The following CTRC variants were observed in gnomAD, a reference collection of about 807,000 sequenced individuals.
The protein encoded by CTRC is chymotrypsin-C.
CTRC carries 32 observed loss-of-function variants against 35.7 expected under a neutral mutation model. The observed-to-expected ratio is 0.90, with a 90% CI of 0.68 to 1.20. The LOEUF is 1.20. Among genes scored for constraint, CTRC ranks in the 50% most tolerant of loss-of-function variants. The pLI is 0.00. For synonymous variants in CTRC, 119 were observed against 149.5 expected (o/e 0.80, Z 1.49); for missense variants, 324 against 361.5 (o/e 0.90, Z 0.84).
rs1038169919 is a variant in CTRC, at chr1:15,447,399, G to A, written c.*810G>A. 2 of 153,370 alleles carry A rather than the reference G, an allele frequency of 1.3e-5. No individual in the cohort carries two copies. The highest frequency in any genetic ancestry group is 4.8e-5 in the African/African-American group (2 of 41,480). 9.5% of individuals were successfully genotyped at this position (153,370 alleles called of 1,614,324 possible). ...GCATTAGACAAGTGGGGAAACTGAG[G>A]CCCAGAGAGAGGAAGGAGTTGGGAT... On this transcript the variant is annotated 3_prime_UTR_variant, in exon 8 of 8. Transcript: ENST00000375949.
chr1:15,439,507 C>T (rs1045233462), intron 1 of CTRC, among the ~76,000 whole-genome samples: 1 of 152,032 alleles, frequency 6.6e-6, no homozygotes, highest in Non-Finnish European at 1.5e-5. Flanking sequence ...ATCGAGGTTC[C>T]GTGCGACTTA....
At chr1:15,444,572 C>G (rs990770787) in intron 5 of CTRC, 34 bp from the exon 6 acceptor site, 1 of 1,613,638 alleles carries the variant, frequency 6.2e-7, no homozygotes, top group Non-Finnish European at 8.5e-7. Flanking sequence ...GGCTTCCCGG[C>G]TGCCTCCCTG....
chr1:15,440,666 C>A, intron 3 of CTRC, 76 bp downstream of exon 3: 1 of 1,287,018 alleles, frequency 7.8e-7, no homozygotes, highest in Non-Finnish European at 1.1e-6. Context: ...TTCTGAGCAG[C>A]TTCTCCGCAC....
Position 15,444,711 on chromosome 1 carries a change from T to C in CTRC, c.599T>C (p.Met200Thr), listed in dbSNP as rs1004695259. 13 of 1,614,072 alleles carry C rather than the reference T, an allele frequency of 8.1e-6. No homozygotes were observed. The Admixed American group carries it at 8.3e-5, about 10-fold the overall frequency. The change falls in exon 6 of 8, where the codon ATG (methionine) becomes ACG (threonine). Residue 200 changes from methionine (M) to threonine (T), a missense_variant. By Grantham distance (81) the Met-to-Thr change is moderately conservative. Transcript: ENST00000375949. ...TGGGGCTTCAGGGTGAAGAAAACCATGGTGTGCGCTGGGGGCGATGGCGTC... is the reference window on the plus strand; with the variant it reads ...TGGGGCTTCAGGGTGAAGAAAACCACGGTGTGCGCTGGGGGCGATGGCGTC... ...DWWGFRVKKT[M>T]VCAGGDGVIS... is the part of the protein sequence containing the mutation.
chr1:15,444,318 G>A (rs1333591559), intron 5 of CTRC, among the ~76,000 whole-genome samples: 1 of 152,020 alleles, frequency 6.6e-6, no homozygotes, highest in Non-Finnish European at 1.5e-5. Flanking sequence ...TTTTTAATGG[G>A]TGACAGCAAA....
rs1162184145 is a variant in CTRC, at chr1:15,447,063, C to T, written c.*474C>T. ...ACAGGGTCTCCCCAAAAGCAGCGTCCCCCAGGCCAGAGAGACCAGGCCACA... is the reference window on the plus strand; with the variant it reads ...ACAGGGTCTCCCCAAAAGCAGCGTCTCCCAGGCCAGAGAGACCAGGCCACA... On this transcript the variant is annotated 3_prime_UTR_variant, in exon 8 of 8. Coordinates refer to ENST00000375949, the MANE Select transcript of CTRC (RefSeq NM_007272.3). 3.3e-6 allele frequency: 1 copy of T among 302,622 alleles called. No homozygotes were observed. Among genetic ancestry groups the T allele is most frequent in the Admixed American group, 4.6e-5 (1 of 21,698 alleles). 18.7% of individuals were successfully genotyped at this position (302,622 alleles called of 1,614,324 possible).
intron 1 of CTRC, among the ~76,000 whole-genome samples, chr1:15,439,398 G>T (rs1402612643): frequency 6.7e-6 from 1 of 149,606 alleles, no homozygotes; most frequent in Non-Finnish European, 1.5e-5. Context: ...ACTCCAGCCT[G>T]GGCAACAAGA....
chr1:15,441,674 T>C (rs1708134857), intron 3 of CTRC, among the ~76,000 whole-genome samples: 1 of 151,684 alleles, frequency 6.6e-6, no homozygotes, highest in African/African-American at 2.4e-5. Flanking sequence ...ACATATTTCA[T>C]TTTATATATT....
chr1:15,442,408 CA>C, intron 3 of CTRC, 38 bp from the exon 4 acceptor site: 1 of 1,584,166 alleles, frequency 6.3e-7, no homozygotes, highest in Non-Finnish European at 8.6e-7. Flanking sequence ...CTGGCAGGAC[CA>C]GGGGGCCACC....
At position 15,446,548 on chromosome 1, in the gene CTRC, C is replaced by G. The variant is rs200784589; in HGVS notation, c.793-27C>G. 101 of 1,613,964 alleles carry G rather than the reference C, an allele frequency of 6.3e-5. No individual in the cohort carries two copies. The East Asian group carries it at 1.6e-3, about 25-fold the overall frequency. ...CCTAGAAGGTGGCACAGCCCTGAGT[C>G]TCTCACACTGTTCTCTGCTCCTCCA... On this transcript the variant is annotated intron_variant, in intron 7 of 7. Coordinates refer to ENST00000375949, the MANE Select transcript of CTRC (RefSeq NM_007272.3).
At chr1:15,440,650 T>C (rs1471631403) in intron 3 of CTRC, 60 bp downstream of exon 3, 31 of 1,496,772 alleles carry the variant, frequency 2.1e-5, no homozygotes, top group Non-Finnish European at 2.6e-5. Context: ...CCTGATACTC[T>C]GCTTTTTCTG....
intron 1 of CTRC, 74 bp from the exon 2 acceptor site, chr1:15,440,226 G>GGCCCCCCC: frequency 1.9e-6 from 1 of 523,580 alleles, no homozygotes. Context: ...TCTTCCACCT[G>GGCCCCCCC]CCCACCCTCC....
At chr1:15,440,225 T>C (rs1331308392) in intron 1 of CTRC, 75 bp from the exon 2 acceptor site, 3 of 608,668 alleles carry the variant, frequency 4.9e-6, no homozygotes, top group Non-Finnish European at 6.3e-6. Context: ...TTCTTCCACC[T>C]GCCCACCCTC....
intron 6 of CTRC, 25 bp downstream of exon 6, chr1:15,444,776 G>T: frequency 6.2e-7 from 1 of 1,614,156 alleles, no homozygotes; most frequent in Non-Finnish European, 8.5e-7. Context: ...TCTGCACCTT[G>T]TCCCTACTCC....
At chr1:15,443,339 C>A (rs1708163723) in intron 4 of CTRC, 80 bp from the exon 5 acceptor site, 1 of 1,587,444 alleles carries the variant, frequency 6.3e-7, no homozygotes, top group Non-Finnish European at 8.6e-7. Flanking sequence ...TGACTCCCAA[C>A]TCACAGCCCG....
At position 15,444,651 on chromosome 1, in the gene CTRC, T is replaced by C. The variant is rs1470144686; in HGVS notation, c.539T>C (p.Val180Ala). 3 of 1,614,070 alleles carry C rather than the reference T, an allele frequency of 1.9e-6. No homozygotes were observed. Among genetic ancestry groups the C allele is most frequent in the Non-Finnish European group, 2.5e-6 (3 of 1,180,038 alleles). Reference sequence around the variant, plus strand: ...AAGCTGCAGCAGGGCCTGCAGCCCGTGGTGGATCACGCCACGTGCTCCAGG... The same window carrying C: ...AAGCTGCAGCAGGGCCTGCAGCCCGCGGTGGATCACGCCACGTGCTCCAGG... The part of the protein sequence containing the change: ...ADKLQQGLQP[V>A]VDHATCSRID... Residue 180 changes from valine (V) to alanine (A), a missense_variant, in exon 6 of 8, where the codon GTG becomes GCG. Transcript: ENST00000375949.
chr1:15,442,406 A>T (rs1570783445), intron 3 of CTRC, 41 bp from the exon 4 acceptor site: 1 of 1,581,638 alleles, frequency 6.3e-7, no homozygotes, highest in East Asian at 2.3e-5. Flanking sequence ...GGCTGGCAGG[A>T]CCAGGGGGCC....
chr1:15,444,472 G>T, intron 5 of CTRC, 134 bp from the exon 6 acceptor site: 1 of 1,047,568 alleles, frequency 9.5e-7, no homozygotes, highest in Non-Finnish European at 1.4e-6. Flanking sequence ...TGAAGGGCAG[G>T]TGTGTGGTCC....
intron 1 of CTRC, among the ~76,000 whole-genome samples, chr1:15,439,095 T>C (rs1431884887): frequency 3.3e-5 from 5 of 152,102 alleles, no homozygotes; most frequent in Admixed American, 2.6e-4. Context: ...GCCCCTTACA[T>C]GTAGGAGCCA....
Sources: gnomAD v4.1 joint callset for allele counts (sites outside exome capture counted in the v4.1 genomes callset) on GRCh38, gnomAD v4.1.1 for gene constraint, MANE v1.5 for transcripts, NCBI Gene and HGNC (gene_info 2026-07-23, HGNC 2026-07-21) for gene names.